SLC22A9: variants seen among roughly 807,000 people sequenced by gnomAD.
The protein encoded by SLC22A9 is organic anion transporter 7.
Under a neutral mutation model 50.1 loss-of-function variants are expected in SLC22A9, and 64 were observed. The ratio of observed to expected loss-of-function variants is 1.28; its 90% CI spans 1.04 to 1.57. SLC22A9 has a LOEUF of 1.57. Ranked by LOEUF, SLC22A9 falls within the 40% of genes most tolerant of loss-of-function variation. The pLI, the probability that SLC22A9 is intolerant of heterozygous loss-of-function variation, is 0.00. For missense variants in SLC22A9, 757 were observed against 676.1 expected (o/e 1.12, Z -1.33); for synonymous variants, 261 against 242.5 (o/e 1.08, Z -0.71).
chr11:63,369,898 C>G lies in SLC22A9; in HGVS notation c.-159C>G, dbSNP rs750166044. 7.5e-6 allele frequency: 5 copies of G among 664,540 alleles called. No homozygotes were observed. The East Asian group carries it at 1.5e-4, about 20-fold the overall frequency. 41.2% of individuals were successfully genotyped at this position (664,540 alleles called of 1,614,324 possible). A position where few individuals can be genotyped will look rare whatever the true frequency, so the allele number is the denominator to read the frequency against. ...AAACGACTTGAGGAAACTGTTTCCA[C>G]GGTCCTGCTGCAGAGGGGAAGCACA... On this transcript the variant is annotated 5_prime_UTR_variant, in exon 1 of 10. Coordinates refer to ENST00000279178, the MANE Select transcript of SLC22A9 (RefSeq NM_080866.3).
chr11:63,381,638 G>A (rs1330226868), intron 5 of SLC22A9, among the ~76,000 whole-genome samples: 1 of 152,244 alleles, frequency 6.6e-6, no homozygotes, highest in East Asian at 1.9e-4. Flanking sequence ...CCTCATGGAA[G>A]CATGAGATTA....
rs377299556 is a variant in SLC22A9, at chr11:63,384,034, C to T, written c.1073+1757C>T. Among the ~76,000 whole-genome samples the T allele has an allele frequency of 4.0e-4, 54 of 134,136 alleles. No homozygotes were observed. The South Asian group carries it at 7.7e-3, about 19-fold the overall frequency. The allele number at this position is 134,136 out of a possible 152,430, so 88.0% of individuals were successfully genotyped here. ...ACTGCACTCCAGCCTGGTGACAGAG[C>T]GAGACTCCATCTAAGAAAAAAAAAA... On this transcript the variant is annotated intron_variant, in intron 6 of 9. Coordinates refer to ENST00000279178, the MANE Select transcript of SLC22A9 (RefSeq NM_080866.3).
At position 63,382,266 on chromosome 11, in the gene SLC22A9, G is replaced by A; in HGVS notation, c.1062G>A (p.Leu354=). The change falls in exon 6 of 10, where the codon CTG becomes CTA. Residue 354 remains leucine, a synonymous_variant. Transcript: ENST00000279178. ...ACATATGTAAAAGGATCTCCCTCCT[G>A]TCCTTTACGAGGTAAGCTTCATGCA... is the stretch of plus-strand genomic sequence containing the variant. ...MPNICKRISL[L]SFTRFANFMA... 6.2e-7 allele frequency: 1 copy of A among 1,605,558 alleles called. No homozygotes were observed. The highest frequency in any genetic ancestry group is 8.5e-7 in the Non-Finnish European group (1 of 1,177,110).
At chr11:63,374,890 T>C (rs2014433525) in intron 4 of SLC22A9, among the ~76,000 whole-genome samples, 3 of 152,182 alleles carry the variant, frequency 2.0e-5, no homozygotes, top group African/African-American at 7.2e-5. Context: ...AAATGGATAA[T>C]TTACCTCATT....
intron 2 of SLC22A9, among the ~76,000 whole-genome samples, chr11:63,372,489 A>G (rs530552192): frequency 9.9e-5 from 15 of 152,278 alleles, no homozygotes; most frequent in Admixed American, 3.9e-4. Context: ...ATTACATACT[A>G]TAGTGTTCCA....
intron 6 of SLC22A9, among the ~76,000 whole-genome samples, chr11:63,403,531 A>G (rs899638811): frequency 6.6e-6 from 1 of 152,112 alleles, no homozygotes; most frequent in African/African-American, 2.4e-5. Context: ...TGAACATATA[A>G]AGCTCACTGA....
Position 63,393,993 on chromosome 11 carries a change from T to C in SLC22A9, c.1073+11716T>C, listed in dbSNP as rs370336187. ...TTTCTTGGGGATTTTGTTCATTCCT[T>C]TTCATTCTTTTTTCTCTAATCTTGT... is the stretch of plus-strand genomic sequence containing the variant. On this transcript the variant is annotated intron_variant, in intron 6 of 9. Coordinates refer to ENST00000279178, the MANE Select transcript of SLC22A9 (RefSeq NM_080866.3). Among the ~76,000 whole-genome samples, 453 of 152,316 alleles carry C rather than the reference T, an allele frequency of 3.0e-3. 4 individuals carry two copies. In the Middle Eastern group the frequency reaches 0.041, roughly 14 times the overall value.
chr11:63,398,929 T>A (rs1471879576), intron 6 of SLC22A9, among the ~76,000 whole-genome samples: 1 of 152,234 alleles, frequency 6.6e-6, no homozygotes, highest in Admixed American at 6.5e-5. Context: ...TGTATTATTA[T>A]TCCTTCAAAG....
chr11:63,380,915 C>A (rs2014549506), intron 5 of SLC22A9, among the ~76,000 whole-genome samples: 1 of 151,854 alleles, frequency 6.6e-6, no homozygotes, highest in Non-Finnish European at 1.5e-5. Context: ...AAGAATGATG[C>A]ATTATTAAAC....
intron 2 of SLC22A9, 59 bp downstream of exon 2, chr11:63,371,297 T>C (rs1165568194): frequency 5.4e-6 from 7 of 1,287,096 alleles, no homozygotes; most frequent in Non-Finnish European, 6.7e-6. Context: ...TTATGAAACA[T>C]TATTTCATCT....
chr11:63,407,357 C>T (rs1364677800), intron 7 of SLC22A9, among the ~76,000 whole-genome samples: 1 of 152,154 alleles, frequency 6.6e-6, no homozygotes, highest in Non-Finnish European at 1.5e-5. Flanking sequence ...CCCAGGTGGC[C>T]ACCAGTCTTC....
At position 63,369,792 on chromosome 11, in the gene SLC22A9, T is replaced by C; in HGVS notation, c.-265T>C. 2.5e-6 allele frequency: 1 copy of C among 403,714 alleles called. No homozygotes were observed. The highest frequency in any genetic ancestry group is 4.4e-6 in the Non-Finnish European group (1 of 227,400). 25.0% of individuals were successfully genotyped at this position (403,714 alleles called of 1,614,324 possible). Reference sequence around the variant, plus strand: ...ATGAAAAAGTAGAATTTTAAACACATTTCATTGTAAACGACTGGGAGTATC... The same window carrying C: ...ATGAAAAAGTAGAATTTTAAACACACTTCATTGTAAACGACTGGGAGTATC... On this transcript the variant is annotated 5_prime_UTR_variant, in exon 1 of 10. Transcript: ENST00000279178.
intron 5 of SLC22A9, among the ~76,000 whole-genome samples, chr11:63,380,378 C>G (rs945415531): frequency 6.6e-6 from 1 of 152,136 alleles, no homozygotes; most frequent in Non-Finnish European, 1.5e-5. Context: ...CATAAAGGCA[C>G]ATGCATATGT....
At chr11:63,389,999 T>C (rs767084827) in intron 6 of SLC22A9, among the ~76,000 whole-genome samples, 3 of 152,218 alleles carry the variant, frequency 2.0e-5, no homozygotes, top group Non-Finnish European at 4.4e-5. Context: ...CGTCTGTTGA[T>C]ATCCTTTGCC....
At chr11:63,409,664 C>G in intron 9 of SLC22A9, 138 bp from the exon 10 acceptor site, 1 of 794,342 alleles carries the variant, frequency 1.3e-6, no homozygotes. Flanking sequence ...TTACTCAATC[C>G]CTTGGGGGCA....
intron 8 of SLC22A9, 82 bp downstream of exon 8, chr11:63,408,302 A>G: frequency 9.6e-7 from 1 of 1,044,810 alleles, no homozygotes; most frequent in Non-Finnish European, 1.5e-6. Context: ...AAGAAATCTA[A>G]GACTGGTTCA....
intron 5 of SLC22A9, among the ~76,000 whole-genome samples, chr11:63,378,949 A>G (rs1249426098): frequency 6.6e-6 from 1 of 152,172 alleles, no homozygotes; most frequent in Non-Finnish European, 1.5e-5. Context: ...CACCCAAAGC[A>G]ATTTACAGAC....
intron 6 of SLC22A9, among the ~76,000 whole-genome samples, chr11:63,405,627 C>A (rs1045069516): frequency 1.3e-5 from 2 of 152,148 alleles, no homozygotes; most frequent in Non-Finnish European, 2.9e-5. Flanking sequence ...GATATACAAT[C>A]TGTCACTCAA....
chr11:63,404,595 G>C (rs2120013712), intron 6 of SLC22A9, among the ~76,000 whole-genome samples: 1 of 152,250 alleles, frequency 6.6e-6, no homozygotes, highest in East Asian at 1.9e-4. Context: ...TACCAGAGTG[G>C]TTAAAAACCC....
Sources: allele counts gnomAD v4.1 joint callset (sites outside exome capture counted in the v4.1 genomes callset), GRCh38; gene constraint gnomAD v4.1.1; transcripts MANE v1.5; gene names NCBI Gene and HGNC (gene_info 2026-07-23, HGNC 2026-07-21).